Variants in UGT3A1 observed in about 807,000 individuals in gnomAD.
UGT3A1 encodes the protein UDP-glycosyltransferase 3A1.
UGT3A1 carries 40 observed loss-of-function variants against 37.6 expected under a neutral mutation model. That is an observed-to-expected ratio of 1.06 (90% CI 0.83 to 1.38). UGT3A1 has a LOEUF of 1.38. Ranked by LOEUF, UGT3A1 falls within the 40% of genes most tolerant of loss-of-function variation. UGT3A1 has a pLI of 0.00. For synonymous variants in UGT3A1, 256 were observed against 232.3 expected, an observed-to-expected ratio of 1.10 and a Z score of -0.93; for missense variants, 642 against 634.2, an observed-to-expected ratio of 1.01 and a Z score of -0.13.
intron 5 of UGT3A1, among the ~76,000 whole-genome samples, chr5:35,956,207 A>G (rs904685142): frequency 3.9e-5 from 6 of 152,236 alleles, no homozygotes; most frequent in African/African-American, 1.2e-4. Context: ...GTTGCTTCAT[A>G]GTACCTACAC....
chr5:35,954,376 C>A lies in UGT3A1; in HGVS notation c.1398G>T (p.Gly466=). ...CATAGGGCTTGAGGTGCGTCGCTCCCCCAGTCTGGAGGATGTGGTCGATCC... is the reference window on the plus strand; with the variant it reads ...CATAGGGCTTGAGGTGCGTCGCTCCACCAGTCTGGAGGATGTGGTCGATCC... ...VGWIDHILQT[G]GATHLKPYAF... The change falls in exon 7 of 7, where the codon GGG becomes GGT. Residue 466 remains glycine (G), a synonymous_variant. Transcript: ENST00000274278. The A allele has an allele frequency of 2.5e-6, 4 of 1,614,210 alleles. No homozygotes were observed. In the South Asian group the frequency reaches 4.4e-5, roughly 18 times the overall value.
At chr5:35,967,882 C>G in intron 3 of UGT3A1, 137 bp downstream of exon 3, 1 of 688,992 alleles carries the variant, frequency 1.5e-6, no homozygotes, top group East Asian at 2.7e-5. Context: ...CATCCACTCA[C>G]ACATCATCTA....
chr5:35,955,222 G>A lies in UGT3A1; in HGVS notation c.1295+423C>T, dbSNP rs934901199. 2.0e-5 allele frequency: 5 copies of A among 252,332 alleles called. No homozygotes were observed. In the South Asian group the frequency reaches 3.7e-4, roughly 19 times the overall value. The allele number at this position is 252,332 out of a possible 1,614,324, so 15.6% of individuals were successfully genotyped here. Reference sequence around the variant, plus strand: ...TCTATGGAAGAAACATTGGAGAAGAGACCCAAATGTCATGAAGGAGCCAGT... The same window carrying A: ...TCTATGGAAGAAACATTGGAGAAGAAACCCAAATGTCATGAAGGAGCCAGT... On this transcript the variant is annotated intron_variant, in intron 6 of 6. Transcript: ENST00000274278.
upstream of UGT3A1, among the ~76,000 whole-genome samples, chr5:35,994,333 TTGTGTGTGTGTGTGTG>T (rs35026618): frequency 2.2e-4 from 30 of 138,640 alleles, no homozygotes; most frequent in African/African-American, 3.4e-4. Context: ...TTTGTTTTGT[TTGTGTGTGTGTGTGTG>T]TGTGTGTGTG....
upstream of UGT3A1, chr5:35,991,439 G>A (rs1740949670): frequency 2.1e-6 from 3 of 1,430,020 alleles, no homozygotes; most frequent in Admixed American, 8.6e-5. Flanking sequence ...ATGCTCCATG[G>A]GATAATCTGC....
chr5:35,971,463 TACACACACACAC>T (rs76860183), intron 2 of UGT3A1, among the ~76,000 whole-genome samples: 1 of 147,788 alleles, frequency 6.8e-6, no homozygotes, highest in Admixed American at 6.7e-5. Flanking sequence ...GACACACGCA[TACACACACACAC>T]ACACACACAC....
chr5:35,965,616 G>T lies in UGT3A1; in HGVS notation c.613C>A (p.Leu205Met). The change falls in exon 4 of 7, where the codon CTG (leucine) becomes ATG (methionine). Residue 205 changes from leucine (L) to methionine (M), a missense_variant. Physicochemically the swap from Leu to Met is conservative, Grantham distance 15. Transcript: ENST00000274278. ...CTCCTGGAGAAACTAAAGAACATCA[G>T]AAAATTCTTCACTCGGCCCCAGAAG... ...MDFWGRVKNF[L>M]MFFSFSRSQW... 1 of 1,614,114 alleles carries T rather than the reference G, an allele frequency of 6.2e-7. No homozygotes were observed. Among genetic ancestry groups the T allele is most frequent in the Non-Finnish European group, 8.5e-7 (1 of 1,179,986 alleles).
At chr5:36,000,640 A>G (rs1233175245) in intron 1 of UGT3A1, among the ~76,000 whole-genome samples, 1 of 152,212 alleles carries the variant, frequency 6.6e-6, no homozygotes, top group East Asian at 1.9e-4. Flanking sequence ...AAAGCAGATG[A>G]CAGCTGTTGT....
Position 35,954,452 on chromosome 5 carries a change from C to A in UGT3A1, c.1322G>T (p.Ser441Ile). 1 of 1,614,108 alleles carries A rather than the reference C, an allele frequency of 6.2e-7. No homozygotes were observed. Among genetic ancestry groups the A allele is most frequent in the African/African-American group, 1.3e-5 (1 of 75,056 alleles). Reference sequence around the variant, plus strand: ...CAGGGGCTGAGAGTGCAGGATGACACTGGCTGCCACCACTGCCGACTTGTA... The same window carrying A: ...CAGGGGCTGAGAGTGCAGGATGACAATGGCTGCCACCACTGCCGACTTGTA... ...KRYKSAVVAA[S>I]VILHSQPLSP... is the part of the protein sequence containing the mutation. Residue 441 changes from serine to isoleucine, a missense_variant, in exon 7 of 7, where the codon AGT becomes ATT. By Grantham distance (142) the Ser-to-Ile change is moderately radical. Coordinates refer to ENST00000274278, the MANE Select transcript of UGT3A1 (RefSeq NM_152404.4).
rs953540196 is a variant in UGT3A1 at position 35,953,539 on chromosome 5, C to T, written c.*663G>A. The T allele has an allele frequency of 6.6e-6, 1 of 152,380 alleles. No homozygotes were observed. The highest frequency in any genetic ancestry group is 2.4e-5 in the African/African-American group (1 of 41,458). 9.4% of individuals were successfully genotyped at this position (152,380 alleles called of 1,614,324 possible). On this transcript the variant is annotated 3_prime_UTR_variant, in exon 7 of 7. Transcript: ENST00000274278. ...CCACAAAGCCTTACACATGGATTTC[C>T]ACTTCACTACTTGAGGTTCCCTGTA...
At chr5:35,978,464 G>A (rs1157011859) in intron 2 of UGT3A1, among the ~76,000 whole-genome samples, 3 of 152,148 alleles carry the variant, frequency 2.0e-5, no homozygotes, top group Non-Finnish European at 2.9e-5. Flanking sequence ...GAAGGCGAAA[G>A]GCCCATCTTA....
At chr5:35,999,364 T>C (rs939723141) in intron 1 of UGT3A1, among the ~76,000 whole-genome samples, 3 of 152,086 alleles carry the variant, frequency 2.0e-5, no homozygotes, top group South Asian at 2.1e-4. Context: ...GGGTAACCAA[T>C]TGGCTGATGC....
At chr5:35,956,516 G>T (rs1739363108) in intron 5 of UGT3A1, among the ~76,000 whole-genome samples, 1 of 152,136 alleles carries the variant, frequency 6.6e-6, no homozygotes, top group African/African-American at 2.4e-5. Flanking sequence ...ACTTAGTTAT[G>T]AATCTCTGAT....
chr5:35,997,550 C>T (rs1263390203), intron 1 of UGT3A1, among the ~76,000 whole-genome samples: 1 of 152,088 alleles, frequency 6.6e-6, no homozygotes, highest in Non-Finnish European at 1.5e-5. Context: ...CTTCAGCCTC[C>T]AGAGTAGCTG....
At chr5:35,988,238 G>T (rs1231765182) in intron 2 of UGT3A1, among the ~76,000 whole-genome samples, 3 of 152,178 alleles carry the variant, frequency 2.0e-5, no homozygotes, top group African/African-American at 4.8e-5. Context: ...CAGGTAAGTG[G>T]TAAAATACAG....
chr5:35,966,816 C>T (rs1739826553), intron 3 of UGT3A1, among the ~76,000 whole-genome samples: 1 of 152,156 alleles, frequency 6.6e-6, no homozygotes, highest in Non-Finnish European at 1.5e-5. Context: ...CATATCATGT[C>T]ACTTCACATA....
At chr5:35,957,477 T>C (rs1739404220) in intron 4 of UGT3A1, 58 bp from the exon 5 acceptor site, 2 of 1,416,736 alleles carry the variant, frequency 1.4e-6, no homozygotes, top group East Asian at 2.3e-5. Flanking sequence ...TAAGTGTCCA[T>C]GAAATGAAAC....
At chr5:35,972,132 A>T (rs754770055) in intron 2 of UGT3A1, among the ~76,000 whole-genome samples, 21 of 152,092 alleles carry the variant, frequency 1.4e-4, no homozygotes, top group Non-Finnish European at 2.9e-4. Flanking sequence ...AGGACTCCAA[A>T]TTTGCTTCTA....
At chr5:35,994,332 T>TG (rs1491491144), upstream of UGT3A1, among the ~76,000 whole-genome samples, 94 of 136,554 alleles carry the variant, frequency 6.9e-4, no homozygotes, top group Admixed American at 2.0e-3. Context: ...TTTTGTTTTG[T>TG]TTGTGTGTGT....
Sources: allele counts gnomAD v4.1 joint callset (sites outside exome capture counted in the v4.1 genomes callset), GRCh38; gene constraint gnomAD v4.1.1; transcripts MANE v1.5; gene names NCBI Gene and HGNC (gene_info 2026-07-23, HGNC 2026-07-21).